PCDHGA4: variants seen among roughly 807,000 people sequenced by gnomAD.
PCDHGA4 encodes the protein protocadherin gamma subfamily A, 4.
PCDHGA4 carries 38 observed loss-of-function variants against 54.6 expected under a neutral mutation model. The ratio of observed to expected loss-of-function variants is 0.70; its 90% CI spans 0.54 to 0.91. The LOEUF (loss-of-function observed/expected upper bound fraction) is 0.91. Ranked by LOEUF, PCDHGA4 falls within the 40% of genes least tolerant of loss-of-function variation. The pLI is 0.00. For missense variants in PCDHGA4, 1,298 were observed against 1,220.9 expected, an observed-to-expected ratio of 1.06 and a Z score of -0.94; for synonymous variants, 511 against 512.9, an observed-to-expected ratio of 1.00 and a Z score of 0.05.
chr5:141,425,794 G>A (rs915736198), intron 1 of PCDHGA4, among the ~76,000 whole-genome samples: 23 of 152,074 alleles, frequency 1.5e-4, no homozygotes, highest in Non-Finnish European at 2.2e-4. Context: ...CTTCCAATAT[G>A]TGCATTGCTT....
In PCDHGA4 at chr5:141,443,822, A is replaced by G. The variant is rs183934410; in HGVS notation, c.2515-50985A>G. ...GAAACAGTTACCTTTGGAAAACATAATTAGGTAAAATGGGTAATATGGAAA... is the reference window on the plus strand; with the variant it reads ...GAAACAGTTACCTTTGGAAAACATAGTTAGGTAAAATGGGTAATATGGAAA... On this transcript the variant is annotated intron_variant, in intron 1 of 3. Coordinates refer to ENST00000571252, the MANE Select transcript of PCDHGA4 (RefSeq NM_018917.4). Among the ~76,000 whole-genome samples, 330 of 152,316 alleles carry G rather than the reference A, an allele frequency of 2.2e-3. 2 individuals carry two copies. Among genetic ancestry groups the G allele is most frequent in the Non-Finnish European group, 4.1e-3 (279 of 68,018 alleles).
intron 2 of PCDHGA4, among the ~76,000 whole-genome samples, chr5:141,498,976 GGAAGGAAGGAAGGAA>G (rs1562186940): frequency 1.5e-4 from 2 of 13,010 alleles, no homozygotes; most frequent in Admixed American, 2.9e-3. Context: ...AGGGAGGGAA[GGAAGGAAGGAAGGAA>G]GGAAGGAAGG....
At chr5:141,421,788 G>C (rs1262781272) in intron 1 of PCDHGA4, 7 of 1,613,682 alleles carry the variant, frequency 4.3e-6, no homozygotes, top group Admixed American at 3.3e-5. Flanking sequence ...GGGGCAGAAC[G>C]GATGGGGCCA....
At chr5:141,509,758 C>T (rs574741134) in intron 3 of PCDHGA4, among the ~76,000 whole-genome samples, 17 of 152,202 alleles carry the variant, frequency 1.1e-4, no homozygotes. Flanking sequence ...CTAAAGTGTC[C>T]CTGAGATGTC....
chr5:141,387,813 A>T, intron 1 of PCDHGA4: 6 of 1,531,348 alleles, frequency 3.9e-6, no homozygotes, highest in Non-Finnish European at 5.3e-6. Flanking sequence ...GAGATCCAAA[A>T]ATCTGCAATA....
chr5:141,365,104 C>A (rs775966290), intron 1 of PCDHGA4: 1 of 1,613,874 alleles, frequency 6.2e-7, no homozygotes, highest in Non-Finnish European at 8.5e-7. Flanking sequence ...TACCTGTGGG[C>A]ACTCGGCTGC....
Position 141,485,274 on chromosome 5 carries a change from C to G in PCDHGA4, c.2515-9533C>G. 2 of 1,614,106 alleles carry G rather than the reference C, an allele frequency of 1.2e-6. No homozygotes were observed. Among genetic ancestry groups the G allele is most frequent in the Non-Finnish European group, 1.7e-6 (2 of 1,179,964 alleles). On this transcript the variant is annotated intron_variant, in intron 1 of 3. Transcript: ENST00000571252. The surrounding 1 kb of genome is among the most constrained non-coding windows in gnomAD (Gnocchi z 5.7). ...TACGTTTGTGGGCAGATCCGCTACC[C>G]GGTCCCAGAGGAGTCACAGGAAGGG...
rs750914672 is a variant in PCDHGA4 at position 141,371,927 on chromosome 5, C to A, written c.2514+14306C>A. ...CCTACGTGTCCGTGAGCGCGCGGAG[C>A]GGGGTGGTGTTCGCGCAGCGAGCCT... On this transcript the variant is annotated intron_variant, in intron 1 of 3. Coordinates refer to ENST00000571252, the MANE Select transcript of PCDHGA4 (RefSeq NM_018917.4). 53 of 1,613,208 alleles carry A rather than the reference C, an allele frequency of 3.3e-5. No homozygotes were observed. The highest frequency in any genetic ancestry group is 3.9e-5 in the Non-Finnish European group (46 of 1,179,904).
chr5:141,418,599 A>C, intron 1 of PCDHGA4: 2 of 1,614,054 alleles, frequency 1.2e-6, no homozygotes. Context: ...CAGGACGTGT[A>C]CAGGGTTAGC....
rs375834520 is a variant in PCDHGA4, at chr5:141,389,526, G to A, written c.2514+31905G>A. 145 of 1,613,070 alleles carry A rather than the reference G, an allele frequency of 9.0e-5. No homozygotes were observed. Among genetic ancestry groups the A allele is most frequent in the Non-Finnish European group, 1.2e-4 (141 of 1,179,758 alleles). ...GCTCAGCGCGAACGTGAGCCTGCGC[G>A]TGTTAGTGGACGACCGCAACGACAA... On this transcript the variant is annotated intron_variant, in intron 1 of 3. Coordinates refer to ENST00000571252, the MANE Select transcript of PCDHGA4 (RefSeq NM_018917.4).
chr5:141,476,584 C>T lies in PCDHGA4; in HGVS notation c.2515-18223C>T. 6.2e-7 allele frequency: 1 copy of T among 1,614,218 alleles called. No individual in the cohort carries two copies. The highest frequency in any genetic ancestry group is 8.5e-7 in the Non-Finnish European group (1 of 1,180,042). ...TGGCTCCGGGGACGCGCTTTCCGCTCGAGAGCGCGCACGATCCCGATGTGG... is the reference window on the plus strand; with the variant it reads ...TGGCTCCGGGGACGCGCTTTCCGCTTGAGAGCGCGCACGATCCCGATGTGG... On this transcript the variant is annotated intron_variant, in intron 1 of 3. Coordinates refer to ENST00000571252, the MANE Select transcript of PCDHGA4 (RefSeq NM_018917.4). The surrounding 1 kb of genome is among the most constrained non-coding windows in gnomAD (Gnocchi z 7.6).
intron 2 of PCDHGA4, 106 bp downstream of exon 2, chr5:141,494,971 C>T (rs1244836841): frequency 1.3e-6 from 2 of 1,583,382 alleles, no homozygotes; most frequent in African/African-American, 1.3e-5. Context: ...ATGGCTTCTC[C>T]CTCAGTTTGA....
At chr5:141,468,140 C>T (rs910524133) in intron 1 of PCDHGA4, among the ~76,000 whole-genome samples, 3 of 151,942 alleles carry the variant, frequency 2.0e-5, no homozygotes, top group African/African-American at 7.2e-5. Flanking sequence ...GCCTGGCCAA[C>T]ATGGTGAAAC....
rs756833632 is a variant in PCDHGA4, at chr5:141,393,904, CA to C, written c.2514+36284del. Reference sequence around the variant, plus strand: ...GTGTTAGAAAATTCTCTTCCCGGGACAGTAATTGCCTTCTTGAGTGTGCATG... The same window carrying C: ...GTGTTAGAAAATTCTCTTCCCGGGACGTAATTGCCTTCTTGAGTGTGCATG... On this transcript the variant is annotated intron_variant, in intron 1 of 3. Transcript: ENST00000571252. The C allele has an allele frequency of 1.9e-6, 3 of 1,613,918 alleles. No individual in the cohort carries two copies. In the East Asian group the frequency reaches 6.7e-5, roughly 36 times the overall value.
At position 141,431,262 on chromosome 5, in the gene PCDHGA4, A is replaced by G. The variant is rs371663018; in HGVS notation, c.2515-63545A>G. The stretch of plus-strand genomic sequence containing the variant: ...CCGGATATCGGGAAGAACTCTCTGC[A>G]GAGCTACGAGCTCAGCCCGAACACT... On this transcript the variant is annotated intron_variant, in intron 1 of 3. Coordinates refer to ENST00000571252, the MANE Select transcript of PCDHGA4 (RefSeq NM_018917.4). The surrounding 1 kb of genome is among the most constrained non-coding windows in gnomAD (Gnocchi z 4.8). The G allele has an allele frequency of 2.6e-5, 42 of 1,614,184 alleles. No homozygotes were observed. In the African/African-American group the frequency reaches 2.7e-4, roughly 10 times the overall value.
At chr5:141,374,898 G>T in intron 1 of PCDHGA4, 3 of 1,613,794 alleles carry the variant, frequency 1.9e-6, no homozygotes, top group Non-Finnish European at 2.5e-6. Context: ...CAGGATGAAG[G>T]AGTCCACGGG....
intron 1 of PCDHGA4, chr5:141,428,769 T>A (rs1367357065): frequency 6.5e-6 from 1 of 154,242 alleles, no homozygotes; most frequent in Non-Finnish European, 1.4e-5. Flanking sequence ...TTGCCCACTC[T>A]TAATATTTCC....
chr5:141,423,058 A>G (rs1235938743), intron 1 of PCDHGA4: 3 of 1,614,022 alleles, frequency 1.9e-6, no homozygotes, highest in African/African-American at 2.7e-5. Flanking sequence ...TCGCCTGCTT[A>G]AGGCCAGCGA....
In PCDHGA4 at chr5:141,370,660, G is replaced by A. The variant is rs199537402; in HGVS notation, c.2514+13039G>A. 3.1e-6 allele frequency: 5 copies of A among 1,613,752 alleles called. No individual in the cohort carries two copies. The Admixed American group carries it at 5.0e-5, about 16-fold the overall frequency. ...AATGGGAACTTACTTGTGAGCGACC[G>A]TATAGACCGAGAGGAGATTTGTGGC... On this transcript the variant is annotated intron_variant, in intron 1 of 3. Transcript: ENST00000571252.
Sources: gnomAD v4.1 joint callset for allele counts (sites outside exome capture counted in the v4.1 genomes callset) on GRCh38, gnomAD v4.1.1 for gene constraint, Gnocchi (gnomAD v3.1) non-coding constraint, MANE v1.5 for transcripts, NCBI Gene and HGNC (gene_info 2026-07-23, HGNC 2026-07-21) for gene names.